Variants in FOXP2 observed in about 807,000 individuals in gnomAD.
FOXP2 encodes the protein forkhead box P2, also known as forkhead box protein P2.
A neutral mutation model predicts 115.8 loss-of-function variants in FOXP2; 12 were observed. The observed-to-expected ratio is 0.10, with a 90% CI of 0.07 to 0.17. FOXP2 has a LOEUF of 0.17. Among genes scored for constraint, FOXP2 ranks in the 10% least tolerant of loss-of-function variants. The pLI is 1.00. For missense variants in FOXP2, 629 were observed against 843.5 expected, an observed-to-expected ratio of 0.75 and a Z score of 3.15; for synonymous variants, 328 against 297.7, an observed-to-expected ratio of 1.10 and a Z score of -1.05.
chr7:114,195,531 AT>A (rs1793880833), intron 1 of FOXP2, among the ~76,000 whole-genome samples: 1 of 152,198 alleles, frequency 6.6e-6, no homozygotes, highest in Non-Finnish European at 1.5e-5. Flanking sequence ...CATTACTGAT[AT>A]TTTAAATAAT....
At chr7:114,337,005 A>G (rs891333140) in intron 2 of FOXP2, among the ~76,000 whole-genome samples, 3 of 151,594 alleles carry the variant, frequency 2.0e-5, no homozygotes, top group Non-Finnish European at 1.5e-5. Flanking sequence ...ACATGCAGAT[A>G]CATAATAAGC....
At chr7:114,209,410 T>C (rs986244473) in intron 1 of FOXP2, among the ~76,000 whole-genome samples, 5 of 152,224 alleles carry the variant, frequency 3.3e-5, no homozygotes, top group Non-Finnish European at 7.3e-5. Flanking sequence ...CTAGGAAGCT[T>C]AGTTTGGCTG....
intron 8 of FOXP2, among the ~76,000 whole-genome samples, chr7:114,649,619 C>A (rs923341225): frequency 7.2e-5 from 11 of 151,946 alleles, no homozygotes; most frequent in Admixed American, 3.3e-4. Flanking sequence ...AATACTTAGC[C>A]TATTTATTTA....
intron 16 of FOXP2, among the ~76,000 whole-genome samples, chr7:114,681,097 T>G (rs1456848121): frequency 6.6e-6 from 1 of 152,224 alleles, no homozygotes; most frequent in Non-Finnish European, 1.5e-5. Flanking sequence ...GGCAATCTTG[T>G]ACATTTATTC....
In FOXP2 at chr7:114,566,749, T is replaced by C. The variant is rs139686025; in HGVS notation, c.258+32043T>C. Among the ~76,000 whole-genome samples the C allele has an allele frequency of 1.3e-3, 203 of 152,200 alleles. 1 individual carries two copies. The highest frequency in any genetic ancestry group is 4.6e-3 in the African/African-American group (192 of 41,542). ...AGATATTATTTTATCCTAAATATTA[T>C]AAGACACTAAAGTTTTAAACATGTT... On this transcript the variant is annotated intron_variant, in intron 3 of 16. Coordinates refer to ENST00000350908, the MANE Select transcript of FOXP2 (RefSeq NM_014491.4).
intron 2 of FOXP2, among the ~76,000 whole-genome samples, chr7:114,526,812 A>C (rs1382339150): frequency 2.0e-5 from 3 of 152,112 alleles, no homozygotes; most frequent in Non-Finnish European, 2.9e-5. Flanking sequence ...TTTATGTATC[A>C]CAAAACCTAC....
At chr7:114,416,472 G>A (rs2129200325) in intron 1 of FOXP2, 1 of 143,420 alleles carries the variant, frequency 7.0e-6, no homozygotes, top group Non-Finnish European at 1.5e-5. Context: ...CTTTACTGTA[G>A]CCTAAGTGAC....
At chr7:114,635,444 T>C (rs1375585862) in intron 6 of FOXP2, among the ~76,000 whole-genome samples, 1 of 152,196 alleles carries the variant, frequency 6.6e-6, no homozygotes, top group Non-Finnish European at 1.5e-5. Context: ...GAAAAAATCT[T>C]ATTTGGTGCT....
intron 2 of FOXP2, among the ~76,000 whole-genome samples, chr7:114,381,905 C>G (rs548448879): frequency 6.6e-6 from 1 of 152,064 alleles, no homozygotes. Flanking sequence ...TTGAACAGGA[C>G]GGGCATTCTT....
intron 1 of FOXP2, among the ~76,000 whole-genome samples, chr7:114,148,878 C>T (rs1792455914): frequency 6.6e-6 from 1 of 152,050 alleles, no homozygotes; most frequent in Admixed American, 6.6e-5. Context: ...GGTTTTCATC[C>T]TTGTTTGGAT....
At chr7:114,449,766 A>G (rs542377735) in intron 2 of FOXP2, among the ~76,000 whole-genome samples, 2 of 152,154 alleles carry the variant, frequency 1.3e-5, no homozygotes, top group Non-Finnish European at 2.9e-5. Context: ...CAAAAGTGTT[A>G]TATACCTTTG....
At chr7:114,117,982 C>G (rs1307210955) in intron 1 of FOXP2, among the ~76,000 whole-genome samples, 1 of 152,044 alleles carries the variant, frequency 6.6e-6, no homozygotes, top group Non-Finnish European at 1.5e-5. Context: ...ATGATCGTAT[C>G]TTATTCTAAT....
At chr7:114,439,369 A>G (rs1269724403) in intron 2 of FOXP2, among the ~76,000 whole-genome samples, 1 of 152,142 alleles carries the variant, frequency 6.6e-6, no homozygotes, top group Non-Finnish European at 1.5e-5. Flanking sequence ...GAGCAGCTAA[A>G]GCTTTATATA....
chr7:114,444,112 A>G (rs1052006299), intron 2 of FOXP2, among the ~76,000 whole-genome samples: 1 of 152,180 alleles, frequency 6.6e-6, no homozygotes, highest in Non-Finnish European at 1.5e-5. Flanking sequence ...AACATATGTC[A>G]TCTGCCTTTG....
At chr7:114,498,838 T>G in intron 2 of FOXP2, 1 of 717,776 alleles carries the variant, frequency 1.4e-6, no homozygotes, top group Non-Finnish European at 2.6e-6. Context: ...GTGGTTGGCT[T>G]TGTTTCATTT....
chr7:114,514,895 G>A (rs1054702510), intron 2 of FOXP2, among the ~76,000 whole-genome samples: 3 of 147,356 alleles, frequency 2.0e-5, no homozygotes, highest in Non-Finnish European at 4.5e-5. Context: ...AGTCCTCAGA[G>A]TGTGATGTTC....
intron 16 of FOXP2, among the ~76,000 whole-genome samples, chr7:114,676,462 G>T (rs1357032887): frequency 6.6e-6 from 1 of 152,040 alleles, no homozygotes; most frequent in Non-Finnish European, 1.5e-5. Flanking sequence ...TTGCTGTATT[G>T]GATGAAATAA....
At chr7:114,562,017 A>G (rs1006103829) in intron 3 of FOXP2, among the ~76,000 whole-genome samples, 1 of 152,040 alleles carries the variant, frequency 6.6e-6, no homozygotes, top group Non-Finnish European at 1.5e-5. Context: ...TCTGCGCACT[A>G]TGTTCTCTTG....
intron 3 of FOXP2, among the ~76,000 whole-genome samples, chr7:114,544,891 T>C (rs962950316): frequency 2.6e-5 from 4 of 152,160 alleles, no homozygotes; most frequent in African/African-American, 9.7e-5. Flanking sequence ...CCGTAATCAA[T>C]AACAATCACC....
Sources: allele counts gnomAD v4.1 joint callset (sites outside exome capture counted in the v4.1 genomes callset), GRCh38; gene constraint gnomAD v4.1.1; transcripts MANE v1.5; gene names NCBI Gene and HGNC (gene_info 2026-07-23, HGNC 2026-07-21).